WASL: variants seen among roughly 807,000 people sequenced by gnomAD.
WASL encodes the protein WASP like actin nucleation promoting factor.
A neutral mutation model predicts 55.5 loss-of-function variants in WASL; 20 were observed. The observed-to-expected ratio is 0.36, with a 90% CI of 0.25 to 0.52. WASL has a LOEUF of 0.52. WASL is among the 20% of genes least tolerant of loss of function. The pLI is 0.92. For synonymous variants in WASL, 249 were observed against 217.6 expected (o/e 1.14, Z -1.27); for missense variants, 504 against 622.5 (o/e 0.81, Z 2.03).
At chr7:123,733,173 A>C (rs1006186612) in intron 1 of WASL, among the ~76,000 whole-genome samples, 2 of 152,214 alleles carry the variant, frequency 1.3e-5, no homozygotes, top group African/African-American at 4.8e-5. Context: ...AATGTAACAC[A>C]ATAAACGGTA....
At chr7:123,747,844 G>C (rs1445730017) in intron 1 of WASL, among the ~76,000 whole-genome samples, 2 of 151,988 alleles carry the variant, frequency 1.3e-5, no homozygotes, top group Non-Finnish European at 2.9e-5. Context: ...GCTCCCAACC[G>C]GCCATCTGGG....
At chr7:123,719,547 T>C (rs1213166995) in intron 1 of WASL, among the ~76,000 whole-genome samples, 1 of 152,164 alleles carries the variant, frequency 6.6e-6, no homozygotes, top group Non-Finnish European at 1.5e-5. Context: ...ACATAGCCCT[T>C]CTGTGCAAAT....
intron 1 of WASL, among the ~76,000 whole-genome samples, chr7:123,740,882 AG>A (rs1286970461): frequency 6.6e-6 from 1 of 152,200 alleles, no homozygotes; most frequent in East Asian, 1.9e-4. Context: ...CACCACGTCC[AG>A]CCCATTATTA....
At chr7:123,705,498 T>C (rs926040746) in intron 4 of WASL, among the ~76,000 whole-genome samples, 101 of 152,142 alleles carry the variant, frequency 6.6e-4, no homozygotes, top group African/African-American at 2.3e-3. Context: ...TTGAGAGTCA[T>C]TGGCATACAG....
intron 1 of WASL, among the ~76,000 whole-genome samples, chr7:123,740,229 A>G (rs1804314558): frequency 6.6e-6 from 1 of 151,960 alleles, no homozygotes; most frequent in Non-Finnish European, 1.5e-5. Context: ...TTATATATAT[A>G]TCTTTCATTT....
intron 1 of WASL, among the ~76,000 whole-genome samples, chr7:123,719,905 C>T (rs1803909506): frequency 6.6e-6 from 1 of 152,150 alleles, no homozygotes; most frequent in African/African-American, 2.4e-5. Flanking sequence ...CCACCTTTCC[C>T]TCAGTCTGTG....
rs769372861 is a variant in WASL at position 123,748,649 on chromosome 7, G to T, written c.86C>A (p.Ser29Tyr). 1 of 1,613,346 alleles carries T rather than the reference G, an allele frequency of 6.2e-7. No individual in the cohort carries two copies. Among genetic ancestry groups the T allele is most frequent in the Non-Finnish European group, 8.5e-7 (1 of 1,179,726 alleles). ...SLLLTPQENE[S>Y]LFTFLGKKCV... The stretch of plus-strand genomic sequence containing the variant: ...TTTCTTGCCGAGGAAAGTGAAGAGG[G>T]ACTCGTTCTCCTGCGGGGTGAGCAA... The change falls in exon 1 of 11, where the codon TCC becomes TAC. Residue 29 changes from serine (S) to tyrosine (Y), a missense_variant. Ser to Tyr is a moderately radical substitution (Grantham distance 144, BLOSUM62 -2). Around this residue, in one of 5 missense-constraint regions of WASL, gnomAD observed 230 missense variants for 271.9 expected, o/e 0.85. Transcript: ENST00000223023.
chr7:123,704,595 C>A (rs1217608288), intron 5 of WASL, 39 bp downstream of exon 5: 4 of 1,478,852 alleles, frequency 2.7e-6, no homozygotes, highest in African/African-American at 2.8e-5. Context: ...AAACTGTCAT[C>A]TAAAATCTTA....
intron 1 of WASL, among the ~76,000 whole-genome samples, chr7:123,741,100 C>T (rs1337164861): frequency 1.3e-5 from 2 of 151,856 alleles, no homozygotes; most frequent in Non-Finnish European, 2.9e-5. Context: ...ATGAGTGCAC[C>T]CTGCGATGGG....
At chr7:123,699,022 ATTAC>A (rs1343809363) in intron 5 of WASL, among the ~76,000 whole-genome samples, 1 of 152,116 alleles carries the variant, frequency 6.6e-6, no homozygotes, top group Non-Finnish European at 1.5e-5. Flanking sequence ...GATGCTACAA[ATTAC>A]TTTGTTTCTT....
At chr7:123,715,320 A>G (rs947611851) in intron 1 of WASL, among the ~76,000 whole-genome samples, 1 of 152,176 alleles carries the variant, frequency 6.6e-6, no homozygotes, top group Non-Finnish European at 1.5e-5. Context: ...AAGACCACAT[A>G]GAGAGCAAGG....
intron 1 of WASL, among the ~76,000 whole-genome samples, chr7:123,731,105 C>T (rs543023151): frequency 1.3e-5 from 2 of 152,154 alleles, no homozygotes; most frequent in African/African-American, 4.8e-5. Flanking sequence ...TGAAAGAAAG[C>T]TGGAGCAGCT....
chr7:123,701,807 A>C (rs1803594738), intron 5 of WASL, among the ~76,000 whole-genome samples: 1 of 152,132 alleles, frequency 6.6e-6, no homozygotes, highest in African/African-American at 2.4e-5. Flanking sequence ...GCAGTTTTAA[A>C]ATATTACAAC....
chr7:123,687,742 G>A (rs758227973), intron 10 of WASL, among the ~76,000 whole-genome samples: 3 of 143,686 alleles, frequency 2.1e-5, no homozygotes, highest in Non-Finnish European at 4.5e-5. Flanking sequence ...AATGCATGTC[G>A]ATGAAGGCAG....
chr7:123,689,133 C>T lies in WASL; in HGVS notation c.1365G>A (p.Glu455=), dbSNP rs376166250. 1 of 1,612,516 alleles carries T rather than the reference C, an allele frequency of 6.2e-7. No homozygotes were observed. The highest frequency in any genetic ancestry group is 8.5e-7 in the Non-Finnish European group (1 of 1,179,128). Reference sequence around the variant, plus strand: ...TGGGTGCAGGTGTTGGTGGTGTAGACTCTTGGCCATCAGCCACCTTGGAAA... The same window carrying T: ...TGGGTGCAGGTGTTGGTGGTGTAGATTCTTGGCCATCAGCCACCTTGGAAA... ...IQLKSVADGQ[E]STPPTPAPTS... The change falls in exon 10 of 11, where the codon GAG becomes GAA. Residue 455 remains glutamate, a synonymous_variant. Coordinates refer to ENST00000223023, the MANE Select transcript of WASL (RefSeq NM_003941.4).
chr7:123,736,631 T>A (rs1329589090), intron 1 of WASL, among the ~76,000 whole-genome samples: 1 of 152,222 alleles, frequency 6.6e-6, no homozygotes, highest in Admixed American at 6.5e-5. Context: ...CACCATTATG[T>A]GATACATTAC....
intron 5 of WASL, among the ~76,000 whole-genome samples, chr7:123,700,620 A>G (rs1803573002): frequency 6.6e-6 from 1 of 152,050 alleles, no homozygotes; most frequent in Non-Finnish European, 1.5e-5. Context: ...TTCATATTTT[A>G]GTAGAGATGG....
At chr7:123,703,559 T>C (rs1436750616) in intron 5 of WASL, among the ~76,000 whole-genome samples, 1 of 152,206 alleles carries the variant, frequency 6.6e-6, no homozygotes. Context: ...CAATATTTGG[T>C]ACCTGTTAAG....
At chr7:123,702,351 C>T (rs762282469) in intron 5 of WASL, among the ~76,000 whole-genome samples, 1 of 152,100 alleles carries the variant, frequency 6.6e-6, no homozygotes. Flanking sequence ...CCACCGCGCC[C>T]GGCCTGAAAC....
Sources: gnomAD v4.1 joint callset for allele counts (sites outside exome capture counted in the v4.1 genomes callset) on GRCh38, gnomAD v4.1.1 for gene constraint, gnomAD v4.1.1 regional missense constraint, MANE v1.5 for transcripts, NCBI Gene and HGNC (gene_info 2026-07-23, HGNC 2026-07-21) for gene names.